The following CBY1 variants were observed in gnomAD, a reference collection of about 807,000 sequenced individuals.
CBY1 encodes protein chibby homolog 1.
A neutral mutation model predicts 15.6 loss-of-function variants in CBY1; 10 were observed. The ratio of observed to expected loss-of-function variants is 0.64; its 90% CI spans 0.40 to 1.09. The LOEUF (loss-of-function observed/expected upper bound fraction) is 1.09, where lower values mean the gene tolerates loss of function less well. CBY1 is among the 50% of genes least tolerant of loss of function. The pLI is 0.01. For synonymous variants in CBY1, 61 were observed against 63.5 expected (o/e 0.96, Z 0.19); for missense variants, 150 against 160.5 (o/e 0.93, Z 0.35).
At chr22:38,658,936 T>G (rs1371450819) in intron 1 of CBY1, among the ~76,000 whole-genome samples, 1 of 152,080 alleles carries the variant, frequency 6.6e-6, no homozygotes, top group African/African-American at 2.4e-5. Context: ...TTTATTTTTA[T>G]TTTTATTTTT....
At chr22:38,662,733 T>C (rs960093014) in intron 1 of CBY1, among the ~76,000 whole-genome samples, 4 of 152,076 alleles carry the variant, frequency 2.6e-5, no homozygotes, top group African/African-American at 9.7e-5. Context: ...TGGACTCAAG[T>C]TATTTGCCTG....
chr22:38,658,924 A>G (rs2092413647), intron 1 of CBY1, among the ~76,000 whole-genome samples: 1 of 151,934 alleles, frequency 6.6e-6, no homozygotes, highest in South Asian at 2.1e-4. Context: ...GCTATTTACA[A>G]TTTTATTTTT....
At chr22:38,661,310 A>T (rs1282857959) in intron 1 of CBY1, among the ~76,000 whole-genome samples, 1 of 152,146 alleles carries the variant, frequency 6.6e-6, no homozygotes, top group Non-Finnish European at 1.5e-5. Context: ...GGCAGTTGGG[A>T]TTACAGGTGA....
intron 1 of CBY1, among the ~76,000 whole-genome samples, chr22:38,657,377 A>G (rs2064088): frequency 0.29 from 44,661 of 152,048 alleles, 6,643 homozygotes; most frequent in East Asian, 0.36. Context: ...TCCAAGGGGG[A>G]TAAATGCTGG....
chr22:38,662,771 A>G (rs116525529), intron 1 of CBY1, among the ~76,000 whole-genome samples: 2 of 152,246 alleles, frequency 1.3e-5, no homozygotes, highest in African/African-American at 4.8e-5. Flanking sequence ...GCTAGGATTT[A>G]TAGGCATGAG....
rs1334410298 is a variant in CBY1 at position 38,673,272 on chromosome 22, G to A, written c.*36G>A. On this transcript the variant is annotated 3_prime_UTR_variant, in exon 5 of 5. Transcript: ENST00000216029. ...GACATTTATTGGGGAGTAGGATGTG[G>A]CTGAGTGCTTTTTTTTTGGCCAGAC... 9.7e-6 allele frequency: 14 copies of A among 1,442,284 alleles called. No homozygotes were observed. The highest frequency in any genetic ancestry group is 1.4e-5 in the Non-Finnish European group (14 of 1,024,670). The allele number at this position is 1,442,284 out of a possible 1,614,324, so 89.3% of individuals were successfully genotyped here.
At chr22:38,671,933 T>C (rs1370121110) in intron 4 of CBY1, among the ~76,000 whole-genome samples, 1 of 151,710 alleles carries the variant, frequency 6.6e-6, no homozygotes, top group Non-Finnish European at 1.5e-5. Flanking sequence ...AGAGCAGCCT[T>C]GGCTGCAAAG....
chr22:38,663,904 C>T (rs1345992846), intron 1 of CBY1, among the ~76,000 whole-genome samples: 1 of 151,030 alleles, frequency 6.6e-6, no homozygotes, highest in Non-Finnish European at 1.5e-5. Flanking sequence ...TGTGTGTAAT[C>T]CCAGCTACTT....
intron 1 of CBY1, among the ~76,000 whole-genome samples, chr22:38,664,804 T>G (rs548973295): frequency 6.6e-5 from 10 of 152,286 alleles, no homozygotes; most frequent in African/African-American, 1.9e-4. Flanking sequence ...AGTGTACATA[T>G]GCATGTAGAT....
At chr22:38,669,196 C>A (rs572054886) in intron 2 of CBY1, among the ~76,000 whole-genome samples, 4 of 152,068 alleles carry the variant, frequency 2.6e-5, no homozygotes, top group Non-Finnish European at 5.9e-5. Flanking sequence ...TTATTAGTTC[C>A]CCGTTATTAC....
At chr22:38,660,623 TACAC>T (rs67187850) in intron 1 of CBY1, among the ~76,000 whole-genome samples, 91 of 149,732 alleles carry the variant, frequency 6.1e-4, no homozygotes, top group African/African-American at 1.5e-3. Flanking sequence ...TACAGGTACA[TACAC>T]ACACACACAC....
intron 1 of CBY1, among the ~76,000 whole-genome samples, chr22:38,661,757 C>A (rs186213282): frequency 1.3e-5 from 2 of 151,716 alleles, no homozygotes; most frequent in East Asian, 3.9e-4. Flanking sequence ...GGATATAAAA[C>A]CTTGTTTCAA....
intron 1 of CBY1, among the ~76,000 whole-genome samples, chr22:38,659,678 C>T (rs970128044): frequency 7.9e-5 from 12 of 151,962 alleles, no homozygotes; most frequent in African/African-American, 2.4e-4. Context: ...CTGGCTAACA[C>T]GGTGAAACCC....
chr22:38,670,871 A>G lies in CBY1; in HGVS notation c.79-13A>G, dbSNP rs1335876706. The G allele has an allele frequency of 6.2e-7, 1 of 1,603,988 alleles. No individual in the cohort carries two copies. The highest frequency in any genetic ancestry group is 1.7e-5 in the Admixed American group (1 of 60,002). ...GGGCCTGCTGAAGTTGTCACATAGCATCTCGCCCACAGTTGGATCGATCAA... is the reference window on the plus strand; with the variant it reads ...GGGCCTGCTGAAGTTGTCACATAGCGTCTCGCCCACAGTTGGATCGATCAA... On this transcript the variant is annotated splice_polypyrimidine_tract_variant and intron_variant, in intron 2 of 4. Coordinates refer to ENST00000216029, the MANE Select transcript of CBY1 (RefSeq NM_015373.4).
intron 1 of CBY1, among the ~76,000 whole-genome samples, chr22:38,665,006 G>A (rs1351788311): frequency 6.6e-6 from 1 of 152,122 alleles, no homozygotes; most frequent in African/African-American, 2.4e-5. Context: ...ACCACGCCTG[G>A]CTGATTTTTC....
rs766805548 is a variant in CBY1, at chr22:38,670,875, C to T, written c.79-9C>T. Reference sequence around the variant, plus strand: ...CTGCTGAAGTTGTCACATAGCATCTCGCCCACAGTTGGATCGATCAACCCG... The same window carrying T: ...CTGCTGAAGTTGTCACATAGCATCTTGCCCACAGTTGGATCGATCAACCCG... On this transcript the variant is annotated splice_polypyrimidine_tract_variant and intron_variant, in intron 2 of 4. Transcript: ENST00000216029. 6.2e-6 allele frequency: 10 copies of T among 1,606,702 alleles called. No homozygotes were observed. Among genetic ancestry groups the T allele is most frequent in the East Asian group, 4.5e-5 (2 of 44,856 alleles).
chr22:38,672,464 C>T (rs1456249624), intron 4 of CBY1, among the ~76,000 whole-genome samples: 2 of 151,764 alleles, frequency 1.3e-5, no homozygotes, highest in African/African-American at 2.4e-5. Flanking sequence ...GATTAGCACC[C>T]GCCACCACGC....
At chr22:38,659,244 GTTTT>G (rs201058919) in intron 1 of CBY1, among the ~76,000 whole-genome samples, 3 of 150,168 alleles carry the variant, frequency 2.0e-5, no homozygotes, top group Non-Finnish European at 3.0e-5. Flanking sequence ...CCTACAATTG[GTTTT>G]TTTTGTTTGT....
rs1287093920 is a variant in CBY1, at chr22:38,673,275, G to A, written c.*39G>A. On this transcript the variant is annotated 3_prime_UTR_variant, in exon 5 of 5. Coordinates refer to ENST00000216029, the MANE Select transcript of CBY1 (RefSeq NM_015373.4). ...ATTTATTGGGGAGTAGGATGTGGCT[G>A]AGTGCTTTTTTTTTGGCCAGACTAG... The A allele has an allele frequency of 2.1e-6, 3 of 1,429,132 alleles. No individual in the cohort carries two copies. The African/African-American group carries it at 4.2e-5, about 20-fold the overall frequency. 88.5% of individuals were successfully genotyped at this position (1,429,132 alleles called of 1,614,324 possible).
Sources: allele counts gnomAD v4.1 joint callset (sites outside exome capture counted in the v4.1 genomes callset), GRCh38; gene constraint gnomAD v4.1.1; transcripts MANE v1.5; gene names NCBI Gene and HGNC (gene_info 2026-07-23, HGNC 2026-07-21).